The following LMAN2L variants were observed in gnomAD, a reference collection of about 807,000 sequenced individuals.
LMAN2L encodes the protein VIP36-like protein.
A neutral mutation model predicts 44.3 loss-of-function variants in LMAN2L; 30 were observed. The observed-to-expected ratio is 0.68, with a 90% CI of 0.51 to 0.92. The LOEUF is 0.92. Ranked by LOEUF, LMAN2L falls within the 40% of genes least tolerant of loss-of-function variation. The probability of loss-of-function intolerance (pLI) is 0.00; values close to 1 mark genes in which losing one functional copy is unlikely to be tolerated. For synonymous variants in LMAN2L, 183 were observed against 171.1 expected, an observed-to-expected ratio of 1.07 and a Z score of -0.54; for missense variants, 429 against 446.1, an observed-to-expected ratio of 0.96 and a Z score of 0.35.
intron 4 of LMAN2L, among the ~76,000 whole-genome samples, chr2:96,718,371 C>A (rs2078084307): frequency 6.6e-6 from 1 of 152,174 alleles, no homozygotes; most frequent in African/African-American, 2.4e-5. Flanking sequence ...TATATATCTG[C>A]AATTTTTTAA....
intron 4 of LMAN2L, among the ~76,000 whole-genome samples, chr2:96,718,789 C>T (rs1355954834): frequency 6.6e-6 from 1 of 152,210 alleles, no homozygotes; most frequent in Non-Finnish European, 1.5e-5. Context: ...AAGGCCCTTG[C>T]TCTGTAAGCC....
At position 96,712,953 on chromosome 2, in the gene LMAN2L, C is replaced by A. The variant is rs139086964; in HGVS notation, c.508-928G>T. ...GCCACTCCTTTGGGGAGTATTTGTC[C>A]CTTTGTCCCAAATGGTTAACATGCA... On this transcript the variant is annotated intron_variant, in intron 4 of 7. Coordinates refer to ENST00000264963, the MANE Select transcript of LMAN2L (RefSeq NM_030805.4). Among the ~76,000 whole-genome samples, 33 of 152,280 alleles carry A rather than the reference C, an allele frequency of 2.2e-4. No homozygotes were observed. The East Asian group carries it at 4.8e-3, about 22-fold the overall frequency.
intron 4 of LMAN2L, chr2:96,713,153 G>C: frequency 6.4e-7 from 1 of 1,550,910 alleles, no homozygotes. Context: ...AGAGGGTCCA[G>C]CAGGTTATGA....
At chr2:96,725,915 T>C (rs1489430925) in intron 4 of LMAN2L, among the ~76,000 whole-genome samples, 1 of 151,502 alleles carries the variant, frequency 6.6e-6, no homozygotes, top group African/African-American at 2.4e-5. Context: ...CAGGTGATCA[T>C]GAGGTCAGGA....
intron 4 of LMAN2L, among the ~76,000 whole-genome samples, chr2:96,729,547 C>A (rs1292671504): frequency 6.7e-6 from 1 of 150,102 alleles, no homozygotes; most frequent in Non-Finnish European, 1.5e-5. Context: ...TTGCTCTTGT[C>A]GCCCAGGCTG....
chr2:96,739,416 G>A (rs1218193483), intron 1 of LMAN2L, among the ~76,000 whole-genome samples: 1 of 152,170 alleles, frequency 6.6e-6, no homozygotes, highest in African/African-American at 2.4e-5. Flanking sequence ...GAGAAGAGAA[G>A]GTGGTTCTAC....
chr2:96,716,947 C>G (rs1355185135), intron 4 of LMAN2L, among the ~76,000 whole-genome samples: 2 of 152,134 alleles, frequency 1.3e-5, no homozygotes, highest in African/African-American at 2.4e-5. Flanking sequence ...CTGAATACAA[C>G]ACAGGATCTG....
In LMAN2L at chr2:96,739,876, G is replaced by C. The variant is rs201678946; in HGVS notation, c.165C>G (p.His55Gln). 4.3e-6 allele frequency: 7 copies of C among 1,613,890 alleles called. No homozygotes were observed. Among genetic ancestry groups the C allele is most frequent in the Non-Finnish European group, 5.9e-6 (7 of 1,180,024 alleles). The part of the protein sequence containing the change: ...GQTFEYLKRE[H>Q]SLSKPYQGVG... Reference sequence around the variant, plus strand: ...CACCCTGGTAGGGCTTCGACAGCGAGTGCTCCCGTTTCAAGTACTCGAACG... The same window carrying C: ...CACCCTGGTAGGGCTTCGACAGCGACTGCTCCCGTTTCAAGTACTCGAACG... Residue 55 changes from histidine (H) to glutamine (Q), a missense_variant, in exon 1 of 8, where the codon CAC becomes CAG. Transcript: ENST00000264963.
At chr2:96,734,890 C>T (rs553357598) in intron 2 of LMAN2L, among the ~76,000 whole-genome samples, 1 of 152,312 alleles carries the variant, frequency 6.6e-6, no homozygotes, top group South Asian at 2.1e-4. Flanking sequence ...TGAATTCATA[C>T]TCATTTACAA....
At position 96,711,881 on chromosome 2, in the gene LMAN2L, C is replaced by T. The variant is rs753445500; in HGVS notation, c.652G>A (p.Val218Ile). 10 of 1,614,206 alleles carry T rather than the reference C, an allele frequency of 6.2e-6. No homozygotes were observed. In the East Asian group the frequency reaches 6.7e-5, roughly 11 times the overall value. The change falls in exon 5 of 8, where the codon GTC (valine) becomes ATC (isoleucine). Residue 218 changes from valine to isoleucine, a missense_variant. Transcript: ENST00000264963. ...HYDTFLVIRY[V>I]KRHLTIMMDI... is the part of the protein sequence containing the mutation. ...ACTCTCACCGTCAAATGCCTCTTGACGTAGCGAATCACCAGGAAGGTGTCG... is the reference window on the plus strand; with the variant it reads ...ACTCTCACCGTCAAATGCCTCTTGATGTAGCGAATCACCAGGAAGGTGTCG...
intron 4 of LMAN2L, among the ~76,000 whole-genome samples, chr2:96,725,523 A>G (rs1273399472): frequency 8.0e-5 from 12 of 149,228 alleles, no homozygotes; most frequent in African/African-American, 2.7e-4. Flanking sequence ...GCTCACTGCA[A>G]CCTCCACCTC....
At position 96,711,643 on chromosome 2, in the gene LMAN2L, C is replaced by A. The variant is rs374758688; in HGVS notation, c.784+13G>T. ...CCTCAGTCAGGGCAAACCAAGAGTG[C>A]GCGTGGCAGTACCTGAGAGATCCCC... On this transcript the variant is annotated intron_variant, in intron 6 of 7. Transcript: ENST00000264963. The A allele has an allele frequency of 6.4e-7, 1 of 1,573,540 alleles. No individual in the cohort carries two copies. Among genetic ancestry groups the A allele is most frequent in the South Asian group, 1.1e-5 (1 of 90,232 alleles).
At chr2:96,722,414 G>C (rs1276393558) in intron 4 of LMAN2L, among the ~76,000 whole-genome samples, 1 of 151,572 alleles carries the variant, frequency 6.6e-6, no homozygotes, top group Non-Finnish European at 1.5e-5. Context: ...GACAGTGACA[G>C]ATCATCAGGC....
chr2:96,710,670 A>ATAT (rs57195239), intron 6 of LMAN2L, among the ~76,000 whole-genome samples: 11 of 151,262 alleles, frequency 7.3e-5, no homozygotes, highest in Middle Eastern at 3.4e-3. Context: ...ATATATATAT[A>ATAT]AAAAAAAATC....
intron 4 of LMAN2L, among the ~76,000 whole-genome samples, chr2:96,729,486 A>G (rs149182026): frequency 6.6e-6 from 1 of 151,982 alleles, no homozygotes; most frequent in South Asian, 2.1e-4. Context: ...TCTAATAAAC[A>G]GCAAGTGATT....
At position 96,733,449 on chromosome 2, in the gene LMAN2L, G is replaced by A. The variant is rs1433748126; in HGVS notation, c.507+70C>T. The A allele has an allele frequency of 5.1e-6, 6 of 1,170,638 alleles. No homozygotes were observed. The Admixed American group carries it at 1.1e-4, about 21-fold the overall frequency. The allele number at this position is 1,170,638 out of a possible 1,614,324, so 72.5% of individuals were successfully genotyped here. Reference sequence around the variant, plus strand: ...CTTTCTATCTCCTTTGTTCCCTCCTGTACAACATTCCTGAGGCAAAGAACT... The same window carrying A: ...CTTTCTATCTCCTTTGTTCCCTCCTATACAACATTCCTGAGGCAAAGAACT... On this transcript the variant is annotated intron_variant, in intron 4 of 7. Transcript: ENST00000264963.
intron 4 of LMAN2L, among the ~76,000 whole-genome samples, chr2:96,719,162 CTTG>C (rs1040664536): frequency 6.6e-6 from 1 of 152,074 alleles, no homozygotes; most frequent in African/African-American, 2.4e-5. Context: ...GTCAATACTT[CTTG>C]TTAATGAGAA....
intron 7 of LMAN2L, 78 bp downstream of exon 7, chr2:96,707,636 C>A: frequency 6.6e-7 from 1 of 1,525,170 alleles, no homozygotes. Flanking sequence ...GAGCAGAGAC[C>A]GCCCTGTGAG....
chr2:96,715,712 A>G (rs555751580), intron 4 of LMAN2L, among the ~76,000 whole-genome samples: 3 of 152,374 alleles, frequency 2.0e-5, no homozygotes, highest in African/African-American at 7.2e-5. Flanking sequence ...GAAGACCTCT[A>G]CGGGATAACT....
Sources: gnomAD v4.1 joint callset for allele counts (sites outside exome capture counted in the v4.1 genomes callset) on GRCh38, gnomAD v4.1.1 for gene constraint, MANE v1.5 for transcripts, NCBI Gene and HGNC (gene_info 2026-07-23, HGNC 2026-07-21) for gene names.